Variants in MEF2C observed in about 807,000 individuals in gnomAD.
MEF2C encodes myocyte enhancer factor 2C.
A neutral mutation model predicts 50.5 loss-of-function variants in MEF2C; 6 were observed. That is an observed-to-expected ratio of 0.12 (90% confidence interval 0.07 to 0.23). MEF2C has a LOEUF of 0.23. MEF2C is among the 10% of genes least tolerant of loss of function. The pLI, the probability that MEF2C is intolerant of heterozygous loss-of-function variation, is 1.00. For missense variants in MEF2C, 276 were observed against 605.0 expected, an observed-to-expected ratio of 0.46 and a Z score of 5.70; for synonymous variants, 183 against 228.0, an observed-to-expected ratio of 0.80 and a Z score of 1.78.
Position 88,722,681 on chromosome 5 carries a change from G to A in MEF2C, c.1345C>T (p.Leu449Phe), listed in dbSNP as rs1351393780. Residue 449 changes from leucine to phenylalanine, a missense_variant, in exon 11 of 11, where the codon CTC (leucine) becomes TTC (phenylalanine). Leu to Phe is a conservative substitution (Grantham distance 22). Transcript: ENST00000504921. ...HRNEFHSPIGLTRPSPDERES... is the reference protein window; with the variant it reads ...HRNEFHSPIGFTRPSPDERES... ...CTTTCGTCCGGCGAAGGTCTGGTGA[G>A]TCCAATGGGGGAGTGGAATTCGTTC... 6.2e-7 allele frequency: 1 copy of A among 1,613,820 alleles called. No homozygotes were observed. The highest frequency in any genetic ancestry group is 8.5e-7 in the Non-Finnish European group (1 of 1,179,902).
chr5:88,846,950 T>C (rs1819568930), intron 1 of MEF2C, among the ~76,000 whole-genome samples: 1 of 152,262 alleles, frequency 6.6e-6, no homozygotes, highest in East Asian at 1.9e-4. Context: ...GTGGCTGCAT[T>C]GTGAATTTTC....
intron 4 of MEF2C, among the ~76,000 whole-genome samples, chr5:88,754,179 G>A (rs1363193134): frequency 6.6e-6 from 1 of 152,320 alleles, no homozygotes; most frequent in Non-Finnish European, 1.5e-5. Flanking sequence ...CAGGAGGGGA[G>A]CAAAGTCAGG....
At chr5:88,784,679 T>C (rs1375249553) in intron 3 of MEF2C, among the ~76,000 whole-genome samples, 2 of 152,206 alleles carry the variant, frequency 1.3e-5, no homozygotes, top group Non-Finnish European at 2.9e-5. Context: ...AGGTAATAAT[T>C]TCCCAAACTG....
intron 3 of MEF2C, among the ~76,000 whole-genome samples, chr5:88,786,000 G>A (rs770139113): frequency 2.0e-5 from 3 of 152,092 alleles, no homozygotes; most frequent in Non-Finnish European, 4.4e-5. Flanking sequence ...TCTATTCCAC[G>A]CCTATTCCTC....
intron 3 of MEF2C, among the ~76,000 whole-genome samples, chr5:88,775,069 G>C (rs1784152719): frequency 6.6e-6 from 1 of 152,194 alleles, no homozygotes; most frequent in African/African-American, 2.4e-5. Flanking sequence ...TAAATTTCAA[G>C]TTTGCTAATT....
chr5:88,784,115 C>T (rs888018997), intron 3 of MEF2C, among the ~76,000 whole-genome samples: 4 of 152,144 alleles, frequency 2.6e-5, no homozygotes, highest in Non-Finnish European at 4.4e-5. Context: ...TTTCTTTGCA[C>T]TTCTATTTAA....
At chr5:88,733,603 C>T in intron 6 of MEF2C, 1 of 985,340 alleles carries the variant, frequency 1.0e-6, no homozygotes, top group Non-Finnish European at 1.2e-6. Flanking sequence ...TTTATGGGAA[C>T]ATCTTTAGAA....
intron 3 of MEF2C, among the ~76,000 whole-genome samples, chr5:88,773,720 A>G (rs976769034): frequency 6.6e-6 from 1 of 152,186 alleles, no homozygotes; most frequent in East Asian, 1.9e-4. Flanking sequence ...CAGACTAAGC[A>G]AAAGCTAGTG....
chr5:88,796,742 T>TGTCCAG (rs1258355266), intron 3 of MEF2C, among the ~76,000 whole-genome samples: 3 of 152,234 alleles, frequency 2.0e-5, no homozygotes, highest in Non-Finnish European at 4.4e-5. Context: ...TTTCTCACTT[T>TGTCCAG]GTCCTGTAGG....
intron 1 of MEF2C, among the ~76,000 whole-genome samples, chr5:88,833,180 CAA>C (rs1813715527): frequency 6.6e-6 from 1 of 152,054 alleles, no homozygotes; most frequent in African/African-American, 2.4e-5. Context: ...GTATCCCTCT[CAA>C]GAGGAAAATT....
intron 3 of MEF2C, among the ~76,000 whole-genome samples, chr5:88,765,212 A>G (rs1259947453): frequency 6.6e-6 from 1 of 152,248 alleles, no homozygotes; most frequent in Non-Finnish European, 1.5e-5. Flanking sequence ...GCATTTTGAG[A>G]TATACAAACA....
intron 2 of MEF2C, among the ~76,000 whole-genome samples, chr5:88,817,462 T>A (rs190721146): frequency 1.3e-5 from 2 of 152,072 alleles, no homozygotes; most frequent in African/African-American, 4.8e-5. Flanking sequence ...TAATTTATAA[T>A]TCATATGAAG....
intron 6 of MEF2C, chr5:88,734,331 G>A (rs1484384317): frequency 1.0e-6 from 1 of 985,144 alleles, no homozygotes. Context: ...AATTAGCTGG[G>A]TAATTTCAAA....
At chr5:88,811,070 TG>T (rs1802582015) in intron 2 of MEF2C, among the ~76,000 whole-genome samples, 1 of 152,150 alleles carries the variant, frequency 6.6e-6, no homozygotes, top group African/African-American at 2.4e-5. Context: ...CTGATCTTTT[TG>T]TTTGTCAGAA....
intron 2 of MEF2C, among the ~76,000 whole-genome samples, chr5:88,811,723 A>G (rs1466367769): frequency 6.6e-6 from 1 of 152,174 alleles, no homozygotes; most frequent in East Asian, 1.9e-4. Context: ...TGAGTAGACA[A>G]CATTAAATGA....
chr5:88,764,463 A>C (rs2152707297), intron 3 of MEF2C, among the ~76,000 whole-genome samples: 1 of 152,166 alleles, frequency 6.6e-6, no homozygotes, highest in South Asian at 2.1e-4. Context: ...TGCAGACTAG[A>C]TCTCTCTCAC....
At chr5:88,751,724 G>C in intron 5 of MEF2C, 133 bp downstream of exon 5, 1 of 1,105,820 alleles carries the variant, frequency 9.0e-7, no homozygotes. Flanking sequence ...GACCTAGCTC[G>C]GGGGTGGATG....
intron 7 of MEF2C, chr5:88,731,400 T>C (rs10514302): frequency 0.098 from 22,743 of 231,568 alleles, 1,536 homozygotes; most frequent in East Asian, 0.28. Flanking sequence ...ATTACTCTGC[T>C]TATGGGACGT....
chr5:88,825,149 T>C (rs973123944), intron 1 of MEF2C, among the ~76,000 whole-genome samples: 1 of 151,942 alleles, frequency 6.6e-6, no homozygotes, highest in Non-Finnish European at 1.5e-5. Context: ...ATTTAATAGA[T>C]TGTTTGGCTC....
Sources: gnomAD v4.1 joint callset for allele counts (sites outside exome capture counted in the v4.1 genomes callset) on GRCh38, gnomAD v4.1.1 for gene constraint, MANE v1.5 for transcripts, NCBI Gene and HGNC (gene_info 2026-07-23, HGNC 2026-07-21) for gene names.